Variants in AGPAT4 observed in about 807,000 individuals in gnomAD.
The protein encoded by AGPAT4 is 1-acylglycerol-3-phosphate O-acyltransferase 4, also known as 1-acyl-sn-glycerol-3-phosphate acyltransferase delta.
Under a neutral mutation model 48.0 loss-of-function variants are expected in AGPAT4, and 15 were observed. That is an observed-to-expected ratio of 0.31 (90% CI 0.21 to 0.48). The LOEUF is 0.48. AGPAT4 is among the 20% of genes least tolerant of loss of function. AGPAT4 has a pLI of 0.99. For missense variants in AGPAT4, 314 were observed against 482.5 expected (o/e 0.65, Z 3.27); for synonymous variants, 178 against 198.7 (o/e 0.90, Z 0.88).
rs1055133218 is a variant in AGPAT4 at position 161,140,034 on chromosome 6, C to T, written c.844-414G>A. Among the ~76,000 whole-genome samples the T allele has an allele frequency of 3.9e-5, 6 of 152,334 alleles. No individual in the cohort carries two copies. The highest frequency in any genetic ancestry group is 6.5e-5 in the Admixed American group (1 of 15,306). On this transcript the variant is annotated intron_variant, in intron 7 of 8. Coordinates refer to ENST00000320285, the MANE Select transcript of AGPAT4 (RefSeq NM_020133.3). This position sits in a 1 kb window ranked among gnomAD's most constrained non-coding sequence, Gnocchi z 6.5. The stretch of plus-strand genomic sequence containing the variant: ...GAGTGGATGCTGCGCCGAAGCTGCC[C>T]GCAGGGGACACTCGGTGGAGACCTG...
intron 2 of AGPAT4, among the ~76,000 whole-genome samples, chr6:161,194,588 G>A (rs1253476606): frequency 7.9e-6 from 1 of 127,266 alleles, no homozygotes; most frequent in South Asian, 2.3e-4. Context: ...GTATATATGT[G>A]TATGTATGTA....
intron 3 of AGPAT4, among the ~76,000 whole-genome samples, chr6:161,156,794 G>T (rs376802227): frequency 3.3e-5 from 5 of 152,330 alleles, no homozygotes; most frequent in East Asian, 3.9e-4. Flanking sequence ...CACCTAGCCT[G>T]CCCAGGGCGG....
In AGPAT4 at chr6:161,240,984, G is replaced by T. The variant is rs550323775; in HGVS notation, c.-89-8682C>A. 2.2e-4 allele frequency among the ~76,000 whole-genome samples: 34 copies of T among 152,162 alleles called. No homozygotes were observed. Among genetic ancestry groups the T allele is most frequent in the Middle Eastern group, 6.8e-3 (2 of 294 alleles). ...CTCAATTAAAAAATAATCATCATCGGCCAGGTGCAGCGGCTCACACCTGTA... is the reference window on the plus strand; with the variant it reads ...CTCAATTAAAAAATAATCATCATCGTCCAGGTGCAGCGGCTCACACCTGTA... On this transcript the variant is annotated intron_variant, in intron 1 of 8. Transcript: ENST00000320285. This position sits in a 1 kb window ranked among gnomAD's most constrained non-coding sequence, Gnocchi z 5.5.
Position 161,233,053 on chromosome 6 carries a change from T to C in AGPAT4, c.-89-751A>G, listed in dbSNP as rs1782167415. ...CAAATAACTAGGAAGGTAAGAAAAC[T>C]ACCCCCACCACACCCTGGTCACACA... On this transcript the variant is annotated intron_variant, in intron 1 of 8. Transcript: ENST00000320285. This position sits in a 1 kb window ranked among gnomAD's most constrained non-coding sequence, Gnocchi z 5.4. Among the ~76,000 whole-genome samples the C allele has an allele frequency of 1.3e-5, 2 of 150,972 alleles. No individual in the cohort carries two copies. The highest frequency in any genetic ancestry group is 4.2e-4 in the South Asian group (2 of 4,760).
In AGPAT4 at chr6:161,254,479, G is replaced by C. The variant is rs1007992428; in HGVS notation, c.-90+19459C>G. Among the ~76,000 whole-genome samples, 1 of 152,296 alleles carries C rather than the reference G, an allele frequency of 6.6e-6. No homozygotes were observed. The highest frequency in any genetic ancestry group is 1.9e-4 in the East Asian group (1 of 5,182). On this transcript the variant is annotated intron_variant, in intron 1 of 8. Coordinates refer to ENST00000320285, the MANE Select transcript of AGPAT4 (RefSeq NM_020133.3). This position sits in a 1 kb window ranked among gnomAD's most constrained non-coding sequence, Gnocchi z 5.9. ...ATTCATATACATATATACGTTTAGA[G>C]GCAACTCGTTCAGCGAATATTTATA...
rs1268721882 is a variant in AGPAT4, at chr6:161,233,537, TA to T, written c.-89-1236del. Among the ~76,000 whole-genome samples the T allele has an allele frequency of 6.6e-6, 1 of 152,200 alleles. No individual in the cohort carries two copies. ...GAAAATTTCCAGCTTTACGATGGTG[TA>T]AAAGCAATATCCATTCAGAGAAATT... On this transcript the variant is annotated intron_variant, in intron 1 of 8. Transcript: ENST00000320285. The surrounding 1 kb of genome is among the most constrained non-coding windows in gnomAD (Gnocchi z 5.4).
intron 5 of AGPAT4, 78 bp downstream of exon 5, chr6:161,153,268 C>T: frequency 6.6e-7 from 1 of 1,514,096 alleles, no homozygotes; most frequent in South Asian, 1.2e-5. Flanking sequence ...TGGCAGGAAG[C>T]AAGCTCTGCC....
rs1008621628 is a variant in AGPAT4, at chr6:161,244,643, T to C, written c.-89-12341A>G. Among the ~76,000 whole-genome samples the C allele has an allele frequency of 6.6e-6, 1 of 152,166 alleles. No individual in the cohort carries two copies. Among genetic ancestry groups the C allele is most frequent in the Non-Finnish European group, 1.5e-5 (1 of 68,032 alleles). On this transcript the variant is annotated intron_variant, in intron 1 of 8. Coordinates refer to ENST00000320285, the MANE Select transcript of AGPAT4 (RefSeq NM_020133.3). This position sits in a 1 kb window ranked among gnomAD's most constrained non-coding sequence, Gnocchi z 4.7. ...CAGGAAACCATGAGGATAATAATAC[T>C]GAACCACCAAACAGAGATAGCGAAC...
intron 2 of AGPAT4, among the ~76,000 whole-genome samples, chr6:161,187,488 G>C (rs35505620): frequency 0.062 from 9,480 of 151,908 alleles, 387 homozygotes; most frequent in Non-Finnish European, 0.078. Context: ...GTTAAGGATG[G>C]TATGGTCCTG....
intron 2 of AGPAT4, among the ~76,000 whole-genome samples, chr6:161,228,660 G>GAAAAAAAAAAAAA (rs1562347784): frequency 3.8e-5 from 2 of 53,010 alleles, no homozygotes; most frequent in African/African-American, 1.8e-4. Context: ...TGTCAGAGAG[G>GAAAAAAAAAAAAA]TAAAAAAAAA....
chr6:161,216,460 C>T lies in AGPAT4; in HGVS notation c.178+15576G>A, dbSNP rs1019635843. ...AAACGCTTCCGGGCAATCGTTCTTT[C>T]CTCATTCTTTCCCAACTTCCTCCCT... On this transcript the variant is annotated intron_variant, in intron 2 of 8. Coordinates refer to ENST00000320285, the MANE Select transcript of AGPAT4 (RefSeq NM_020133.3). The surrounding 1 kb of genome is among the most constrained non-coding windows in gnomAD (Gnocchi z 4.8). Among the ~76,000 whole-genome samples the T allele has an allele frequency of 4.6e-5, 7 of 152,164 alleles. No homozygotes were observed. The highest frequency in any genetic ancestry group is 2.9e-5 in the Non-Finnish European group (2 of 68,034).
At chr6:161,179,446 C>T (rs772583058) in intron 2 of AGPAT4, among the ~76,000 whole-genome samples, 14 of 152,294 alleles carry the variant, frequency 9.2e-5, no homozygotes, top group South Asian at 2.1e-4. Flanking sequence ...TCCTTACCTA[C>T]GACATAAAGA....
rs1038672921 is a variant in AGPAT4 at position 161,195,532 on chromosome 6, G to A, written c.179-29115C>T. Among the ~76,000 whole-genome samples the A allele has an allele frequency of 3.3e-5, 5 of 152,248 alleles. No individual in the cohort carries two copies. The highest frequency in any genetic ancestry group is 4.1e-4 in the South Asian group (2 of 4,820). On this transcript the variant is annotated intron_variant, in intron 2 of 8. Coordinates refer to ENST00000320285, the MANE Select transcript of AGPAT4 (RefSeq NM_020133.3). The surrounding 1 kb of genome is among the most constrained non-coding windows in gnomAD (Gnocchi z 5.0). ...TTAAAAGCTCAAAGCGCTTCCTAGCGCACACTTCATGTAACAGTTCACTCA... is the reference window on the plus strand; with the variant it reads ...TTAAAAGCTCAAAGCGCTTCCTAGCACACACTTCATGTAACAGTTCACTCA...
Position 161,208,902 on chromosome 6 carries a change from T to G in AGPAT4, c.178+23134A>C, listed in dbSNP as rs956888581. 4.6e-5 allele frequency among the ~76,000 whole-genome samples: 7 copies of G among 152,200 alleles called. No individual in the cohort carries two copies. The highest frequency in any genetic ancestry group is 1.7e-4 in the African/African-American group (7 of 41,456). On this transcript the variant is annotated intron_variant, in intron 2 of 8. Coordinates refer to ENST00000320285, the MANE Select transcript of AGPAT4 (RefSeq NM_020133.3). The surrounding 1 kb of genome is among the most constrained non-coding windows in gnomAD (Gnocchi z 4.6). ...TCATTAATAATCAGGTGAAACAATG[T>G]AATCAGAACTACCATTGGGGAACAC... is the stretch of plus-strand genomic sequence containing the variant.
At chr6:161,260,524 C>T (rs2114749309) in intron 1 of AGPAT4, among the ~76,000 whole-genome samples, 2 of 151,970 alleles carry the variant, frequency 1.3e-5, no homozygotes, top group South Asian at 4.2e-4. Flanking sequence ...TGGTGGCACA[C>T]ACCTGTAGTC....
In AGPAT4 at chr6:161,261,654, T is replaced by C. The variant is rs979595192; in HGVS notation, c.-90+12284A>G. Among the ~76,000 whole-genome samples, 2 of 152,230 alleles carry C rather than the reference T, an allele frequency of 1.3e-5. No individual in the cohort carries two copies. Among genetic ancestry groups the C allele is most frequent in the East Asian group, 3.8e-4 (2 of 5,202 alleles). On this transcript the variant is annotated intron_variant, in intron 1 of 8. Transcript: ENST00000320285. The surrounding 1 kb of genome is among the most constrained non-coding windows in gnomAD (Gnocchi z 5.3). ...ACAAATCCAGCTAATCATGTAGTGT[T>C]TGTAAGCTACATTTGACATGGGACA...
chr6:161,166,315 A>G lies in AGPAT4; in HGVS notation c.281T>C (p.Leu94Pro), dbSNP rs1780094599. ...KYGKENAIVV[L>P]NHKFEIDFLC... Reference sequence around the variant, plus strand: ...AAAGTCAATTTCAAACTTGTGGTTGAGAACCACGATGGCATTTTCCTTCCC... The same window carrying G: ...AAAGTCAATTTCAAACTTGTGGTTGGGAACCACGATGGCATTTTCCTTCCC... Residue 94 changes from leucine to proline, a missense_variant, in exon 3 of 9, where the codon CTC becomes CCC. Coordinates refer to ENST00000320285, the MANE Select transcript of AGPAT4 (RefSeq NM_020133.3). This position sits in a 1 kb window ranked among gnomAD's most constrained non-coding sequence, Gnocchi z 6.7. 6.2e-7 allele frequency: 1 copy of G among 1,614,210 alleles called. No individual in the cohort carries two copies. Among genetic ancestry groups the G allele is most frequent in the Non-Finnish European group, 8.5e-7 (1 of 1,180,028 alleles).
At chr6:161,252,041 C>T (rs549120834) in intron 1 of AGPAT4, among the ~76,000 whole-genome samples, 9 of 152,270 alleles carry the variant, frequency 5.9e-5, no homozygotes, top group East Asian at 1.9e-4. Context: ...ACATGCTTAG[C>T]GTTCCAATAA....
Position 161,177,730 on chromosome 6 carries a change from G to C in AGPAT4, c.179-11313C>G, listed in dbSNP as rs1042194966. The stretch of plus-strand genomic sequence containing the variant: ...TCCTTTGGAGTAGAAGAGGCACTCT[G>C]ATTTTTAGAATTTTCAGCTTTTCTG... On this transcript the variant is annotated intron_variant, in intron 2 of 8. Transcript: ENST00000320285. The surrounding 1 kb of genome is among the most constrained non-coding windows in gnomAD (Gnocchi z 5.0). Among the ~76,000 whole-genome samples, 2 of 152,182 alleles carry C rather than the reference G, an allele frequency of 1.3e-5. No homozygotes were observed. Among genetic ancestry groups the C allele is most frequent in the African/African-American group, 4.8e-5 (2 of 41,450 alleles).
Sources: allele counts gnomAD v4.1 joint callset (sites outside exome capture counted in the v4.1 genomes callset), GRCh38; gene constraint gnomAD v4.1.1; non-coding constraint Gnocchi (gnomAD v3.1); transcripts MANE v1.5; gene names NCBI Gene and HGNC (gene_info 2026-07-23, HGNC 2026-07-21).